Variants in ANKRD36 observed in about 807,000 individuals in gnomAD.
The protein encoded by ANKRD36 is ankyrin repeat domain 36.
ANKRD36 carries 179 observed loss-of-function variants against 278.1 expected under a neutral mutation model. That is an observed-to-expected ratio of 0.64 (90% CI 0.57 to 0.73). The LOEUF (loss-of-function observed/expected upper bound fraction) is 0.73, where lower values mean the gene tolerates loss of function less well. Among genes scored for constraint, ANKRD36 ranks in the 30% least tolerant of loss-of-function variants. The pLI is 0.00. For missense variants in ANKRD36, 1,159 were observed against 1,956.7 expected (o/e 0.59, Z 7.69); for synonymous variants, 320 against 641.1 (o/e 0.50, Z 7.57).
At position 97,173,115 on chromosome 2, in the gene ANKRD36, T is replaced by C. The variant is rs566100934; in HGVS notation, c.1633+5348T>C. On this transcript the variant is annotated intron_variant, in intron 22 of 75. Coordinates refer to ENST00000420699, the MANE Select transcript of ANKRD36 (RefSeq NM_001354587.1). The stretch of plus-strand genomic sequence containing the variant: ...TTGGTGCATCAAGGAGAGACTGTCA[T>C]TGTAGTTAAAGAAGTTTCTAAATAG... 4.2e-3 allele frequency among the ~76,000 whole-genome samples: 642 copies of C among 151,766 alleles called. 3 individuals carry two copies. Among genetic ancestry groups the C allele is most frequent in the African/African-American group, 0.014 (594 of 41,424 alleles).
At position 97,179,750 on chromosome 2, in the gene ANKRD36, A is replaced by G. The variant is rs539753602; in HGVS notation, c.1646A>G (p.Lys549Arg). 4.4e-6 allele frequency: 7 copies of G among 1,593,756 alleles called. No individual in the cohort carries two copies. The highest frequency in any genetic ancestry group is 5.1e-6 in the Non-Finnish European group (6 of 1,177,444). The stretch of plus-strand genomic sequence containing the variant: ...TTTTGCTTTTCAGTGTCTTCTCAGA[A>G]ACAACCAGCTGAGAAGGTAATTAAA... ...SPPPGKVSSQ[K>R]QPAEKATSDD... Residue 549 changes from lysine to arginine, a missense_variant, in exon 23 of 76, where the codon AAA becomes AGA. Transcript: ENST00000420699.
At chr2:97,183,095 T>A (rs1423222080) in intron 26 of ANKRD36, among the ~76,000 whole-genome samples, 2 of 151,744 alleles carry the variant, frequency 1.3e-5, no homozygotes, top group Non-Finnish European at 2.9e-5. Flanking sequence ...AAACATGCAG[T>A]AGCATTTAGT....
rs767094591 is a variant in ANKRD36, at chr2:97,127,074, G to T, written c.739G>T (p.Asp247Tyr). ...AIEAKNRVIFDLIYEYERKRY... is the reference protein window; with the variant it reads ...AIEAKNRVIFYLIYEYERKRY... ...ATTTATTTTTATGCATAGCATTTTT[G>T]ATCTAATTTATGAATACGAAAGAAA... Residue 247 changes from aspartate (D) to tyrosine (Y), a missense_variant, in exon 6 of 76, where the codon GAT (aspartate) becomes TAT (tyrosine). Transcript: ENST00000420699. The T allele has an allele frequency of 6.0e-5, 75 of 1,245,648 alleles. 2 individuals carry two copies. In the Admixed American group the frequency reaches 9.6e-4, roughly 16 times the overall value. The allele number at this position is 1,245,648 out of a possible 1,614,324, so 77.2% of individuals were successfully genotyped here.
chr2:97,161,971 A>G, intron 17 of ANKRD36, 128 bp from the exon 18 acceptor site: 3 of 610,080 alleles, frequency 4.9e-6, no homozygotes, highest in Non-Finnish European at 7.2e-6. Flanking sequence ...TTAGTATTTT[A>G]TTCATATTAT....
intron 6 of ANKRD36, among the ~76,000 whole-genome samples, chr2:97,133,126 A>T (rs1415962663): frequency 6.6e-6 from 1 of 152,052 alleles, no homozygotes; most frequent in African/African-American, 2.4e-5. Context: ...CCAGTTTTGC[A>T]TGTAGGCCTT....
At chr2:97,125,182 G>A (rs971661123) in intron 5 of ANKRD36, among the ~76,000 whole-genome samples, 5 of 151,574 alleles carry the variant, frequency 3.3e-5, no homozygotes, top group Admixed American at 2.6e-4. Flanking sequence ...CAGTCTGGTA[G>A]TGATTAACCT....
chr2:97,183,838 A>T lies in ANKRD36; in HGVS notation c.1939+184A>T, dbSNP rs532713253. ...GCTGGTCCTTGGCCATGATCTTAGT[A>T]ACAAGCTTGTAGAGTTCCCTACATT... On this transcript the variant is annotated intron_variant, in intron 28 of 75. Coordinates refer to ENST00000420699, the MANE Select transcript of ANKRD36 (RefSeq NM_001354587.1). 4.6e-5 allele frequency among the ~76,000 whole-genome samples: 7 copies of T among 151,828 alleles called. 1 individual carries two copies. In the East Asian group the frequency reaches 1.4e-3, roughly 30 times the overall value.
At chr2:97,183,400 G>A in intron 26 of ANKRD36, 59 bp from the exon 27 acceptor site, 2 of 1,494,012 alleles carry the variant, frequency 1.3e-6, no homozygotes, top group Non-Finnish European at 9.0e-7. Flanking sequence ...CTGCATGAAT[G>A]TATGGATGAC....
At chr2:97,115,834 T>G (rs1416169062) in intron 1 of ANKRD36, among the ~76,000 whole-genome samples, 1 of 151,176 alleles carries the variant, frequency 6.6e-6, no homozygotes, top group Non-Finnish European at 1.5e-5. Context: ...ACATGCAATT[T>G]GTTTTTCTCA....
At chr2:97,191,990 A>G (rs1558631093) in intron 36 of ANKRD36, among the ~76,000 whole-genome samples, 1 of 151,766 alleles carries the variant, frequency 6.6e-6, no homozygotes, top group African/African-American at 2.4e-5. Flanking sequence ...AGAGAATAAC[A>G]TGATACTCCC....
Position 97,189,179 on chromosome 2 carries a change from G to A in ANKRD36, c.2173-39G>A, listed in dbSNP as rs573031004. ...TATAGTCTATGAAACATACTTCATT[G>A]ATTTATTTATTTATTATTTTCTTTC... On this transcript the variant is annotated intron_variant, in intron 33 of 75. Transcript: ENST00000420699. The A allele has an allele frequency of 1.9e-4, 140 of 744,836 alleles. 34 individuals are homozygous for A. Among genetic ancestry groups the A allele is most frequent in the South Asian group, 1.6e-3 (127 of 77,142 alleles). The allele number at this position is 744,836 out of a possible 1,614,324, so 46.1% of individuals were successfully genotyped here.
intron 75 of ANKRD36, among the ~76,000 whole-genome samples, chr2:97,260,413 TACAC>T (rs1161398661): frequency 7.7e-6 from 1 of 130,694 alleles, no homozygotes; most frequent in Non-Finnish European, 1.5e-5. Context: ...CATACACATA[TACAC>T]ACACACAAAC....
chr2:97,222,064 G>A lies in ANKRD36; in HGVS notation c.3878-2742G>A, dbSNP rs1218261936. Among the ~76,000 whole-genome samples the A allele has an allele frequency of 8.6e-5, 13 of 151,790 alleles. No individual in the cohort carries two copies. The East Asian group carries it at 2.4e-3, about 28-fold the overall frequency. ...CTTTCCCCATTGCTTGTTTTTCTCA[G>A]GTTTGTCAAAGATCAGATAGTTATA... On this transcript the variant is annotated intron_variant, in intron 66 of 75. Transcript: ENST00000420699.
intron 67 of ANKRD36, among the ~76,000 whole-genome samples, chr2:97,227,034 T>C (rs1576368988): frequency 2.6e-5 from 4 of 152,256 alleles, no homozygotes; most frequent in South Asian, 2.1e-4. Context: ...TGTAGCCTTG[T>C]AGTATAGTTT....
At chr2:97,131,943 T>C (rs13390019) in intron 6 of ANKRD36, among the ~76,000 whole-genome samples, 21,231 of 151,602 alleles carry the variant, frequency 0.14, 1,738 homozygotes, top group Middle Eastern at 0.22. Context: ...CTTCTCCTGC[T>C]TCAGCCTCCC....
intron 5 of ANKRD36, among the ~76,000 whole-genome samples, chr2:97,126,274 G>A (rs1435287294): frequency 7.1e-6 from 1 of 141,612 alleles, no homozygotes; most frequent in Non-Finnish European, 1.5e-5. Context: ...TGATGGAGAT[G>A]AACCATCATT....
At chr2:97,209,168 C>A (rs1480614291) in intron 54 of ANKRD36, among the ~76,000 whole-genome samples, 2 of 146,566 alleles carry the variant, frequency 1.4e-5, no homozygotes, top group East Asian at 3.9e-4. Context: ...CAATTCAGGA[C>A]ACTTCCACTG....
At position 97,194,615 on chromosome 2, in the gene ANKRD36, C is replaced by T. The variant is rs138832253; in HGVS notation, c.2450-111C>T. 1,714 of 1,567,770 alleles carry T rather than the reference C, an allele frequency of 1.1e-3. 22 individuals are homozygous for T. The African/African-American group carries it at 0.02, about 19-fold the overall frequency. On this transcript the variant is annotated intron_variant, in intron 38 of 75. Coordinates refer to ENST00000420699, the MANE Select transcript of ANKRD36 (RefSeq NM_001354587.1). ...AGACAGAAAGTAGAAGCCATCAAAG[C>T]GTACACTAATACAGGCAGGAGGACA...
At position 97,122,981 on chromosome 2, in the gene ANKRD36, A is replaced by G. The variant is rs2037314225; in HGVS notation, c.581A>G (p.Asp194Gly). The change falls in exon 4 of 76, where the codon GAT (aspartate) becomes GGT (glycine). Residue 194 changes from aspartate (D) to glycine (G), a missense_variant. By Grantham distance (94) the Asp-to-Gly change is moderately conservative (BLOSUM62 -1). Transcript: ENST00000420699. ...LKKKANVNAI[D>G]YLGRSALIHA... ...AAAAAAGCAAATGTAAATGCCATTG[A>G]TTATCTTGGCAGGTACAGACCTTAG... is the stretch of plus-strand genomic sequence containing the variant. 6.5e-7 allele frequency: 1 copy of G among 1,541,422 alleles called. No homozygotes were observed. The highest frequency in any genetic ancestry group is 8.8e-7 in the Non-Finnish European group (1 of 1,140,710).
Sources: gnomAD v4.1 joint callset for allele counts (sites outside exome capture counted in the v4.1 genomes callset) on GRCh38, gnomAD v4.1.1 for gene constraint, MANE v1.5 for transcripts, NCBI Gene and HGNC (gene_info 2026-07-23, HGNC 2026-07-21) for gene names.